Variants in THSD7A observed in about 807,000 individuals in gnomAD.
THSD7A encodes the protein thrombospondin type 1 domain containing 7A, also known as thrombospondin type-1 domain-containing protein 7A.
In THSD7A, 96 loss-of-function variants were observed where a neutral mutation model predicts 231.3. That is an observed-to-expected ratio of 0.41 (90% CI 0.35 to 0.49). The LOEUF (loss-of-function observed/expected upper bound fraction) is 0.49. THSD7A is among the 20% of genes least tolerant of loss of function. The probability of loss-of-function intolerance (pLI) is 0.05; values close to 1 mark genes in which losing one functional copy is unlikely to be tolerated. For synonymous variants in THSD7A, 940 were observed against 743.3 expected, an observed-to-expected ratio of 1.26 and a Z score of -4.30; for missense variants, 2,290 against 2,070.2, an observed-to-expected ratio of 1.11 and a Z score of -2.06.
intron 1 of THSD7A, among the ~76,000 whole-genome samples, chr7:11,772,441 T>A (rs1226115235): frequency 6.6e-6 from 1 of 152,142 alleles, no homozygotes; most frequent in African/African-American, 2.4e-5. Context: ...ATCACAGCAC[T>A]ATTCACAATA....
At chr7:11,826,149 G>A (rs1329655987) in intron 1 of THSD7A, among the ~76,000 whole-genome samples, 3 of 152,068 alleles carry the variant, frequency 2.0e-5, no homozygotes, top group Non-Finnish European at 4.4e-5. Flanking sequence ...CTATGTAAAG[G>A]ACACACTGAC....
At chr7:11,464,390 G>C (rs773285078) in intron 9 of THSD7A, among the ~76,000 whole-genome samples, 4 of 152,096 alleles carry the variant, frequency 2.6e-5, no homozygotes, top group Non-Finnish European at 4.4e-5. Flanking sequence ...TGGAGACAAT[G>C]AGTTCAGCAT....
intron 23 of THSD7A, among the ~76,000 whole-genome samples, chr7:11,394,663 C>T (rs1203266647): frequency 2.0e-5 from 3 of 152,174 alleles, no homozygotes; most frequent in Non-Finnish European, 2.9e-5. Flanking sequence ...ATGTTAGTTA[C>T]CCACAGATTG....
At chr7:11,765,064 TAAAAGTGATA>T (rs1017920021) in intron 1 of THSD7A, among the ~76,000 whole-genome samples, 3 of 151,680 alleles carry the variant, frequency 2.0e-5, no homozygotes, top group African/African-American at 7.3e-5. Flanking sequence ...ATCTTTTTAT[TAAAAGTGATA>T]ATTCAAAAAA....
chr7:11,771,751 A>T (rs1291109428), intron 1 of THSD7A, among the ~76,000 whole-genome samples: 1 of 152,176 alleles, frequency 6.6e-6, no homozygotes, highest in Non-Finnish European at 1.5e-5. Context: ...TGGAATTGGA[A>T]TCTCCAATGC....
intron 23 of THSD7A, among the ~76,000 whole-genome samples, chr7:11,383,105 T>C (rs1782587877): frequency 6.6e-6 from 1 of 151,884 alleles, no homozygotes; most frequent in African/African-American, 2.4e-5. Context: ...TGTATGACTT[T>C]CTTTGCCATG....
chr7:11,736,801 C>T (rs932585041), intron 1 of THSD7A, among the ~76,000 whole-genome samples: 2 of 151,930 alleles, frequency 1.3e-5, no homozygotes, highest in Non-Finnish European at 2.9e-5. Flanking sequence ...ATGGTTTGAC[C>T]ATGGCCCCAC....
At chr7:11,684,297 G>T (rs1456345015) in intron 1 of THSD7A, among the ~76,000 whole-genome samples, 4 of 151,598 alleles carry the variant, frequency 2.6e-5, no homozygotes, top group Non-Finnish European at 4.4e-5. Flanking sequence ...GGCAAAAGTT[G>T]GAAGCATTCC....
At chr7:11,484,342 C>T (rs2128305518) in intron 6 of THSD7A, among the ~76,000 whole-genome samples, 1 of 152,140 alleles carries the variant, frequency 6.6e-6, no homozygotes, top group South Asian at 2.1e-4. Flanking sequence ...CCATTGTTGT[C>T]TCAGCAGTTT....
intron 1 of THSD7A, among the ~76,000 whole-genome samples, chr7:11,672,534 T>C (rs1311995916): frequency 6.6e-6 from 1 of 152,180 alleles, no homozygotes; most frequent in East Asian, 1.9e-4. Flanking sequence ...TGCATATTTA[T>C]GTTGGTAGTA....
intron 8 of THSD7A, among the ~76,000 whole-genome samples, chr7:11,471,630 C>T (rs1785942290): frequency 6.6e-6 from 1 of 151,958 alleles, no homozygotes; most frequent in South Asian, 2.1e-4. Flanking sequence ...TTCAACATTT[C>T]AAAAATAATC....
At chr7:11,560,630 G>T (rs1183390351) in intron 4 of THSD7A, among the ~76,000 whole-genome samples, 1 of 151,880 alleles carries the variant, frequency 6.6e-6, no homozygotes, top group Admixed American at 6.6e-5. Flanking sequence ...CTCCCTTATA[G>T]CATGCAACCC....
rs1782236291 is a variant in THSD7A at position 11,375,586 on chromosome 7, A to G, written c.*208T>C. 1 of 393,708 alleles carries G rather than the reference A, an allele frequency of 2.5e-6. No homozygotes were observed. The highest frequency in any genetic ancestry group is 9.9e-5 in the South Asian group (1 of 10,114). 24.4% of individuals were successfully genotyped at this position (393,708 alleles called of 1,614,324 possible). On this transcript the variant is annotated 3_prime_UTR_variant, in exon 28 of 28. Transcript: ENST00000423059. ...CAGCATGTATTCAGCTAAATCTCCT[A>G]TAATTCTCACGGTTGATGGTCTGTA...
Position 11,619,683 on chromosome 7 carries a change from A to G in THSD7A, c.1022+16447T>C, listed in dbSNP as rs562723122. On this transcript the variant is annotated intron_variant, in intron 2 of 27. Transcript: ENST00000423059. ...GCGATTCTACTGCCTCAGCCTCCCA[A>G]AGTGCTGGGATTACAGGCATAAACC... Among the ~76,000 whole-genome samples, 6 of 152,168 alleles carry G rather than the reference A, an allele frequency of 3.9e-5. No homozygotes were observed. In the East Asian group the frequency reaches 9.7e-4, roughly 24 times the overall value.
intron 1 of THSD7A, among the ~76,000 whole-genome samples, chr7:11,754,869 C>A (rs1583260728): frequency 6.6e-6 from 1 of 151,922 alleles, no homozygotes; most frequent in East Asian, 1.9e-4. Context: ...TATATATTGA[C>A]AATACGCAGA....
At chr7:11,826,003 A>G (rs1298200174) in intron 1 of THSD7A, among the ~76,000 whole-genome samples, 2 of 152,222 alleles carry the variant, frequency 1.3e-5, no homozygotes, top group African/African-American at 4.8e-5. Flanking sequence ...ATTAAAATAG[A>G]TATATTTGCA....
chr7:11,530,836 C>T (rs1027333254), intron 6 of THSD7A, among the ~76,000 whole-genome samples: 5 of 152,068 alleles, frequency 3.3e-5, no homozygotes, highest in South Asian at 2.1e-4. Context: ...TACAGTGAAG[C>T]CTGGTCTCTA....
Position 11,428,939 on chromosome 7 carries a change from G to C in THSD7A, c.3243+8C>G, listed in dbSNP as rs1306529150. ...CAATATCTTAACACTGTCAATGATA[G>C]AAAATACCTGGTTGACATGGTCCAG... is the stretch of plus-strand genomic sequence containing the variant. On this transcript the variant is annotated splice_region_variant and intron_variant, in intron 14 of 27. Coordinates refer to ENST00000423059, the MANE Select transcript of THSD7A (RefSeq NM_015204.3). The C allele has an allele frequency of 6.3e-7, 1 of 1,599,978 alleles. No individual in the cohort carries two copies. Among genetic ancestry groups the C allele is most frequent in the Non-Finnish European group, 8.5e-7 (1 of 1,174,946 alleles).
At chr7:11,557,579 C>CT (rs1303820562) in intron 4 of THSD7A, among the ~76,000 whole-genome samples, 16 of 152,118 alleles carry the variant, frequency 1.1e-4, no homozygotes, top group Non-Finnish European at 2.1e-4. Flanking sequence ...TTTTAAAATC[C>CT]TTTTCTTCTT....
Sources: gnomAD v4.1 joint callset for allele counts (sites outside exome capture counted in the v4.1 genomes callset) on GRCh38, gnomAD v4.1.1 for gene constraint, MANE v1.5 for transcripts, NCBI Gene and HGNC (gene_info 2026-07-23, HGNC 2026-07-21) for gene names.